NSMCE2: variants seen among roughly 807,000 people sequenced by gnomAD.
The protein encoded by NSMCE2 is NSE2 SUMO ligase component of SMC5/6 complex, also known as E3 SUMO-protein ligase NSE2.
A neutral mutation model predicts 23.8 loss-of-function variants in NSMCE2; 24 were observed. The observed-to-expected ratio is 1.01, with a 90% CI of 0.73 to 1.42. The LOEUF (loss-of-function observed/expected upper bound fraction) is 1.42, where lower values mean the gene tolerates loss of function less well. Among genes scored for constraint, NSMCE2 ranks in the 40% most tolerant of loss-of-function variants. NSMCE2 has a pLI of 0.00. For missense variants in NSMCE2, 284 were observed against 296.5 expected, an observed-to-expected ratio of 0.96 and a Z score of 0.31; for synonymous variants, 92 against 94.1, an observed-to-expected ratio of 0.98 and a Z score of 0.13.
At chr8:125,130,842 C>T (rs191899876) in intron 3 of NSMCE2, among the ~76,000 whole-genome samples, 1 of 152,304 alleles carries the variant, frequency 6.6e-6, no homozygotes, top group African/African-American at 2.4e-5. Flanking sequence ...CCCTCACCAA[C>T]ATTAAGAAAC....
chr8:125,255,313 A>G (rs1161990698), intron 5 of NSMCE2, among the ~76,000 whole-genome samples: 1 of 152,188 alleles, frequency 6.6e-6, no homozygotes, highest in African/African-American at 2.4e-5. Context: ...GAGTTTAGGA[A>G]TGATTTGTTG....
At chr8:125,227,747 G>A (rs1011461202) in intron 5 of NSMCE2, among the ~76,000 whole-genome samples, 1 of 152,088 alleles carries the variant, frequency 6.6e-6, no homozygotes, top group African/African-American at 2.4e-5. Flanking sequence ...AATATAGAGG[G>A]CAAAATAAAA....
intron 4 of NSMCE2, among the ~76,000 whole-genome samples, chr8:125,154,038 A>G (rs1030847770): frequency 1.8e-4 from 27 of 152,144 alleles, no homozygotes; most frequent in African/African-American, 6.0e-4. Flanking sequence ...TTAAAATAAG[A>G]TTATTTTTTT....
intron 5 of NSMCE2, among the ~76,000 whole-genome samples, chr8:125,282,410 G>A (rs539322205): frequency 1.3e-5 from 2 of 152,198 alleles, no homozygotes; most frequent in African/African-American, 4.8e-5. Context: ...CACTGCACCC[G>A]GCAAGATCCC....
At chr8:125,180,399 A>G (rs1822745457) in intron 4 of NSMCE2, among the ~76,000 whole-genome samples, 1 of 152,236 alleles carries the variant, frequency 6.6e-6, no homozygotes, top group Non-Finnish European at 1.5e-5. Context: ...TTCCTACACT[A>G]AAATATAAAT....
intron 5 of NSMCE2, among the ~76,000 whole-genome samples, chr8:125,316,629 C>T (rs111831505): frequency 5.2e-5 from 3 of 57,500 alleles, no homozygotes; most frequent in East Asian, 7.9e-4. Flanking sequence ...TTCCTTCTTT[C>T]CTTTCTTTAT....
chr8:125,357,059 A>G (rs1048898104), intron 5 of NSMCE2, among the ~76,000 whole-genome samples, 160 bp from the exon 6 acceptor site: 4 of 152,190 alleles, frequency 2.6e-5, no homozygotes, highest in Non-Finnish European at 4.4e-5. Flanking sequence ...GGTACCCCGT[A>G]GTGTTCTCTG....
chr8:125,183,256 CA>C (rs1822915485), intron 5 of NSMCE2, among the ~76,000 whole-genome samples: 1 of 152,040 alleles, frequency 6.6e-6, no homozygotes, highest in African/African-American at 2.4e-5. Context: ...GCTGAGATCT[CA>C]AAAAATGACT....
At chr8:125,209,743 TA>T (rs1211928099) in intron 5 of NSMCE2, among the ~76,000 whole-genome samples, 1 of 152,228 alleles carries the variant, frequency 6.6e-6, no homozygotes, top group Non-Finnish European at 1.5e-5. Context: ...ACTTAATTGC[TA>T]CCATGTGGTG....
At chr8:125,149,612 A>G (rs1820882135) in intron 3 of NSMCE2, among the ~76,000 whole-genome samples, 1 of 152,206 alleles carries the variant, frequency 6.6e-6, no homozygotes, top group African/African-American at 2.4e-5. Context: ...GAGCTTGAAG[A>G]AACAGTTTAA....
chr8:125,165,560 T>C (rs1821835028), intron 4 of NSMCE2, among the ~76,000 whole-genome samples: 1 of 152,218 alleles, frequency 6.6e-6, no homozygotes, highest in African/African-American at 2.4e-5. Flanking sequence ...TGTAATAGTA[T>C]TATCTATTTG....
intron 5 of NSMCE2, among the ~76,000 whole-genome samples, chr8:125,242,107 G>C (rs56225128): frequency 0.097 from 13,386 of 137,728 alleles, 742 homozygotes; most frequent in African/African-American, 0.19. Flanking sequence ...CAATAACTGG[G>C]GGGGGAGTTT....
At chr8:125,114,374 A>G (rs1818899230) in intron 3 of NSMCE2, among the ~76,000 whole-genome samples, 1 of 152,232 alleles carries the variant, frequency 6.6e-6, no homozygotes, top group African/African-American at 2.4e-5. Flanking sequence ...TCAATAAATG[A>G]AAGAATGTGT....
At chr8:125,206,727 C>T (rs555596636) in intron 5 of NSMCE2, among the ~76,000 whole-genome samples, 22 of 152,200 alleles carry the variant, frequency 1.4e-4, no homozygotes, top group African/African-American at 4.6e-4. Flanking sequence ...TAATGTCAAG[C>T]GTACTGAATT....
chr8:125,289,150 T>TA (rs1250645193), intron 5 of NSMCE2, among the ~76,000 whole-genome samples: 8 of 152,172 alleles, frequency 5.3e-5, no homozygotes, highest in African/African-American at 1.2e-4. Flanking sequence ...ACCTAAAACT[T>TA]ACCACATCCT....
intron 3 of NSMCE2, among the ~76,000 whole-genome samples, chr8:125,131,417 C>T (rs1263596951): frequency 6.6e-6 from 1 of 152,100 alleles, no homozygotes; most frequent in African/African-American, 2.4e-5. Flanking sequence ...AGAATTCACT[C>T]ATATATAACA....
At chr8:125,303,618 T>TA (rs1231863144) in intron 5 of NSMCE2, among the ~76,000 whole-genome samples, 1 of 152,180 alleles carries the variant, frequency 6.6e-6, no homozygotes, top group African/African-American at 2.4e-5. Context: ...TATAAGTACT[T>TA]ACAGTGCACT....
chr8:125,301,941 G>T (rs1047556049), intron 5 of NSMCE2, among the ~76,000 whole-genome samples: 2 of 151,762 alleles, frequency 1.3e-5, no homozygotes, highest in African/African-American at 2.4e-5. Context: ...GGAATTACAG[G>T]CATGAGCCAC....
At chr8:125,282,603 G>A (rs897955076) in intron 5 of NSMCE2, among the ~76,000 whole-genome samples, 1 of 152,092 alleles carries the variant, frequency 6.6e-6, no homozygotes, top group African/African-American at 2.4e-5. Context: ...ATTTTCAAAC[G>A]GCTGTAACCT....
Sources: gnomAD v4.1 joint callset for allele counts (sites outside exome capture counted in the v4.1 genomes callset) on GRCh38, gnomAD v4.1.1 for gene constraint, MANE v1.5 for transcripts, NCBI Gene and HGNC (gene_info 2026-07-23, HGNC 2026-07-21) for gene names.